AGBL1: variants seen among roughly 807,000 people sequenced by gnomAD.
The protein encoded by AGBL1 is AGBL carboxypeptidase 1.
A neutral mutation model predicts 118.9 loss-of-function variants in AGBL1; 130 were observed. That is an observed-to-expected ratio of 1.09 (90% CI 0.95 to 1.26). AGBL1 has a LOEUF of 1.26. AGBL1 is among the 50% of genes most tolerant of loss of function. The probability of loss-of-function intolerance (pLI) is 0.00; values close to 1 mark genes in which losing one functional copy is unlikely to be tolerated. For missense variants in AGBL1, 1,584 were observed against 1,298.1 expected, an observed-to-expected ratio of 1.22 and a Z score of -3.38; for synonymous variants, 555 against 478.9, an observed-to-expected ratio of 1.16 and a Z score of -2.08.
At position 86,574,823 on chromosome 15, in the gene AGBL1, C is replaced by T. The variant is rs572781838; in HGVS notation, c.2994+20286C>T. Among the ~76,000 whole-genome samples, 39 of 151,794 alleles carry T rather than the reference C, an allele frequency of 2.6e-4. No individual in the cohort carries two copies. The East Asian group carries it at 3.4e-3, about 13-fold the overall frequency. The stretch of plus-strand genomic sequence containing the variant: ...GAACTCCTGACCTCAAGTGACCTAC[C>T]GTCCTTGGCCTCCCAAAGTGCTGGG... On this transcript the variant is annotated intron_variant, in intron 21 of 22. Coordinates refer to ENST00000614907, the MANE Select transcript of AGBL1 (RefSeq NM_001386094.1).
chr15:86,175,086 T>C (rs1420451405), intron 5 of AGBL1, among the ~76,000 whole-genome samples: 1 of 152,148 alleles, frequency 6.6e-6, no homozygotes, highest in Admixed American at 6.5e-5. Context: ...TTGGTGTTAG[T>C]ACTTCCTTAT....
chr15:86,085,655 C>G (rs1003021941), intron 1 of AGBL1, among the ~76,000 whole-genome samples: 1 of 152,168 alleles, frequency 6.6e-6, no homozygotes, highest in African/African-American at 2.4e-5. Context: ...CCCCTCCTGT[C>G]GCTTACCTCA....
intron 22 of AGBL1, among the ~76,000 whole-genome samples, chr15:86,798,445 G>C (rs1453344438): frequency 6.6e-6 from 1 of 152,000 alleles, no homozygotes; most frequent in East Asian, 1.9e-4. Flanking sequence ...TTTATGTTAA[G>C]AGTACCCTCA....
chr15:86,899,375 A>G, intron 22 of AGBL1, among the ~76,000 whole-genome samples: 1 of 152,188 alleles, frequency 6.6e-6, no homozygotes, highest in East Asian at 1.9e-4. Context: ...CAGACACTAG[A>G]ATCTTTGAGG....
chr15:86,181,475 A>G (rs1256688365), intron 5 of AGBL1, among the ~76,000 whole-genome samples: 1 of 152,062 alleles, frequency 6.6e-6, no homozygotes, highest in African/African-American at 2.4e-5. Flanking sequence ...AACTATGGTG[A>G]GAAAAGGAAG....
intron 21 of AGBL1, among the ~76,000 whole-genome samples, chr15:86,592,321 G>A (rs2084348737): frequency 6.6e-6 from 1 of 152,210 alleles, no homozygotes; most frequent in Non-Finnish European, 1.5e-5. Context: ...TCAGCCAAGG[G>A]GCATAAGGCA....
chr15:86,162,126 A>T (rs1249519122), intron 5 of AGBL1, among the ~76,000 whole-genome samples: 3 of 152,132 alleles, frequency 2.0e-5, no homozygotes, highest in Non-Finnish European at 4.4e-5. Context: ...AGTAACTAAG[A>T]CATACCCAAA....
chr15:87,022,925 T>A (rs2141806267), intron 24 of AGBL1, among the ~76,000 whole-genome samples: 1 of 152,148 alleles, frequency 6.6e-6, no homozygotes, highest in Non-Finnish European at 1.5e-5. Flanking sequence ...AATTTACCAC[T>A]ACCATGCCAC....
chr15:86,945,538 T>C (rs560270445), intron 23 of AGBL1, among the ~76,000 whole-genome samples: 2 of 151,824 alleles, frequency 1.3e-5, no homozygotes, highest in Admixed American at 6.5e-5. Flanking sequence ...CCGGTTGTGG[T>C]GGCATGCACC....
chr15:86,894,255 T>C (rs1233371875), intron 22 of AGBL1, among the ~76,000 whole-genome samples: 2 of 152,250 alleles, frequency 1.3e-5, no homozygotes, highest in African/African-American at 2.4e-5. Context: ...CTTTCATTTA[T>C]ATTTAACTTC....
intron 6 of AGBL1, among the ~76,000 whole-genome samples, chr15:86,227,080 A>G (rs905196104): frequency 9.2e-5 from 14 of 152,042 alleles, no homozygotes; most frequent in African/African-American, 3.1e-4. Flanking sequence ...TGAATACATG[A>G]TTTGTGATTT....
At chr15:86,142,584 T>C (rs979293708) in intron 2 of AGBL1, among the ~76,000 whole-genome samples, 1 of 152,238 alleles carries the variant, frequency 6.6e-6, no homozygotes, top group Non-Finnish European at 1.5e-5. Flanking sequence ...TGCATTTTTA[T>C]GTATGCTTGC....
intron 21 of AGBL1, among the ~76,000 whole-genome samples, chr15:86,590,927 A>G (rs1596295420): frequency 6.6e-6 from 1 of 152,238 alleles, no homozygotes; most frequent in African/African-American, 2.4e-5. Flanking sequence ...GAAAATATAC[A>G]TTGATACAGT....
At chr15:86,674,567 G>T (rs982694115) in intron 22 of AGBL1, 131 bp downstream of exon 22, 34 of 918,668 alleles carry the variant, frequency 3.7e-5, no homozygotes, top group Non-Finnish European at 4.9e-5. Context: ...CCAAGTAAAG[G>T]TAGGTACACT....
intron 19 of AGBL1, among the ~76,000 whole-genome samples, chr15:86,541,696 T>C (rs984742374): frequency 6.6e-6 from 1 of 151,268 alleles, no homozygotes; most frequent in Non-Finnish European, 1.5e-5. Flanking sequence ...CACGTATTAG[T>C]AGCAATAGTA....
chr15:86,797,689 GA>G (rs2078592388), intron 22 of AGBL1, among the ~76,000 whole-genome samples: 1 of 152,126 alleles, frequency 6.6e-6, no homozygotes, highest in Non-Finnish European at 1.5e-5. Flanking sequence ...TGCATTTCAA[GA>G]GGCAAGGACC....
At chr15:86,982,176 T>G (rs1441570710) in intron 23 of AGBL1, among the ~76,000 whole-genome samples, 1 of 152,176 alleles carries the variant, frequency 6.6e-6, no homozygotes, top group Non-Finnish European at 1.5e-5. Flanking sequence ...CCCTAAGAAC[T>G]TCTTTATATT....
intron 21 of AGBL1, among the ~76,000 whole-genome samples, chr15:86,630,025 C>G (rs896375352): frequency 3.3e-5 from 5 of 152,168 alleles, no homozygotes; most frequent in Admixed American, 1.3e-4. Context: ...CTGCCATTTG[C>G]TTGTTAAATT....
At chr15:86,928,228 G>A (rs770191400) in intron 23 of AGBL1, among the ~76,000 whole-genome samples, 2 of 152,102 alleles carry the variant, frequency 1.3e-5, no homozygotes, top group Admixed American at 1.3e-4. Flanking sequence ...TGAGCCCTTG[G>A]GCTGTCAGAA....
Sources: allele counts gnomAD v4.1 joint callset (sites outside exome capture counted in the v4.1 genomes callset), GRCh38; gene constraint gnomAD v4.1.1; transcripts MANE v1.5; gene names NCBI Gene and HGNC (gene_info 2026-07-23, HGNC 2026-07-21).